KCTD8: variants seen among roughly 807,000 people sequenced by gnomAD.
KCTD8 encodes the protein potassium channel tetramerization domain containing 8.
In KCTD8, 27 loss-of-function variants were observed where a neutral mutation model predicts 31.5. The observed-to-expected ratio is 0.86, with a 90% CI of 0.63 to 1.18. The LOEUF is 1.18. Ranked by LOEUF, KCTD8 falls within the 50% of genes most tolerant of loss-of-function variation. The pLI is 0.00. For synonymous variants in KCTD8, 290 were observed against 280.0 expected (o/e 1.04, Z -0.36); for missense variants, 658 against 647.7 (o/e 1.02, Z -0.17).
At chr4:44,306,242 A>G (rs1403558162) in intron 1 of KCTD8, among the ~76,000 whole-genome samples, 1 of 152,028 alleles carries the variant, frequency 6.6e-6, no homozygotes, top group African/African-American at 2.4e-5. Context: ...AGAGATAAAT[A>G]AATTGATGAT....
At chr4:44,370,907 T>C (rs570127156) in intron 1 of KCTD8, among the ~76,000 whole-genome samples, 19 of 152,162 alleles carry the variant, frequency 1.2e-4, no homozygotes, top group Non-Finnish European at 2.4e-4. Flanking sequence ...CAATAGAAGA[T>C]ACTGTAAACT....
chr4:44,314,005 T>C (rs544961488), intron 1 of KCTD8, among the ~76,000 whole-genome samples: 4 of 152,248 alleles, frequency 2.6e-5, no homozygotes, highest in Non-Finnish European at 5.9e-5. Flanking sequence ...TGAATGGTCA[T>C]GTAAAATATG....
intron 1 of KCTD8, among the ~76,000 whole-genome samples, chr4:44,182,183 G>A (rs1433865760): frequency 2.7e-5 from 4 of 149,218 alleles, no homozygotes; most frequent in Admixed American, 6.6e-5. Flanking sequence ...GGGCGCCTCC[G>A]CCTGGCCGGC....
At chr4:44,248,182 T>C (rs1715724623) in intron 1 of KCTD8, among the ~76,000 whole-genome samples, 1 of 151,918 alleles carries the variant, frequency 6.6e-6, no homozygotes, top group African/African-American at 2.4e-5. Flanking sequence ...AGTGTAAGCT[T>C]TTTAGTATGA....
rs778642107 is a variant in KCTD8, at chr4:44,448,160, C to T, written c.364G>A (p.Glu122Lys). The T allele has an allele frequency of 1.1e-4, 179 of 1,612,414 alleles. No homozygotes were observed. The highest frequency in any genetic ancestry group is 1.4e-4 in the Non-Finnish European group (169 of 1,179,772). ...AGCCGCTCCTTCTCGGGGAAGTGCT[C>T]CGGCAGCGCGAGTTGCTTGTCCCGC... ...YLRDKQLALP[E>K]HFPEKERLLR... Residue 122 changes from glutamate (E) to lysine (K), a missense_variant, in exon 1 of 2, where the codon GAG becomes AAG. By Grantham distance (56) the Glu-to-Lys change is moderately conservative. Transcript: ENST00000360029. This position sits in a 1 kb window ranked among gnomAD's most constrained non-coding sequence, Gnocchi z 4.1.
At chr4:44,324,905 T>C (rs370047093) in intron 1 of KCTD8, among the ~76,000 whole-genome samples, 5 of 152,038 alleles carry the variant, frequency 3.3e-5, no homozygotes, top group African/African-American at 1.2e-4. Context: ...ATGTTACTAA[T>C]TGTGATTTTA....
chr4:44,388,709 AG>A (rs1370403919), intron 1 of KCTD8, among the ~76,000 whole-genome samples: 1 of 151,686 alleles, frequency 6.6e-6, no homozygotes, highest in Non-Finnish European at 1.5e-5. Context: ...CAGAGGGTGG[AG>A]GGTGGGAGGA....
intron 1 of KCTD8, among the ~76,000 whole-genome samples, chr4:44,373,795 C>T (rs1719851331): frequency 6.6e-6 from 1 of 151,996 alleles, no homozygotes; most frequent in Non-Finnish European, 1.5e-5. Context: ...TGCCACATTC[C>T]CTTCTAAAAA....
chr4:44,406,618 A>G (rs553059332), intron 1 of KCTD8, among the ~76,000 whole-genome samples: 1 of 152,288 alleles, frequency 6.6e-6, no homozygotes, highest in South Asian at 2.1e-4. Flanking sequence ...ATCAACTGCA[A>G]GAAAACAGAC....
At chr4:44,432,092 T>C (rs1004397008) in intron 1 of KCTD8, among the ~76,000 whole-genome samples, 24 of 151,530 alleles carry the variant, frequency 1.6e-4, no homozygotes, top group Admixed American at 6.6e-5. Context: ...TAAAACATTT[T>C]ATTGGAGCCA....
intron 1 of KCTD8, among the ~76,000 whole-genome samples, chr4:44,294,901 T>C (rs1199252639): frequency 6.6e-6 from 1 of 152,144 alleles, no homozygotes; most frequent in Non-Finnish European, 1.5e-5. Context: ...GCATATCTAT[T>C]GAATTTTAAG....
At chr4:44,371,077 G>A (rs892111894) in intron 1 of KCTD8, among the ~76,000 whole-genome samples, 1 of 151,932 alleles carries the variant, frequency 6.6e-6, no homozygotes, top group East Asian at 1.9e-4. Flanking sequence ...GTAAATCCAG[G>A]TCAAGTCTTA....
chr4:44,291,698 T>A (rs935312054), intron 1 of KCTD8, among the ~76,000 whole-genome samples: 1 of 151,984 alleles, frequency 6.6e-6, no homozygotes, highest in Non-Finnish European at 1.5e-5. Context: ...ACCTACAGAA[T>A]GGGTGAAACA....
intron 1 of KCTD8, among the ~76,000 whole-genome samples, chr4:44,312,510 GA>G (rs919855510): frequency 7.0e-6 from 1 of 143,144 alleles, no homozygotes; most frequent in African/African-American, 3.0e-5. Context: ...ACTAAAATCT[GA>G]AAAAAAGCAA....
chr4:44,244,851 G>A (rs902978871), intron 1 of KCTD8, among the ~76,000 whole-genome samples: 6 of 144,254 alleles, frequency 4.2e-5, no homozygotes, highest in Admixed American at 3.4e-4. Context: ...TAGTTGTGGG[G>A]GGGGGGGGGT....
intron 1 of KCTD8, among the ~76,000 whole-genome samples, chr4:44,291,018 C>T (rs150657238): frequency 6.6e-6 from 1 of 151,798 alleles, no homozygotes; most frequent in Admixed American, 6.6e-5. Context: ...ATCAATGAAA[C>T]CTAGAGTTGG....
intron 1 of KCTD8, among the ~76,000 whole-genome samples, chr4:44,329,683 T>C (rs1316312274): frequency 1.3e-5 from 2 of 151,912 alleles, no homozygotes; most frequent in Non-Finnish European, 2.9e-5. Context: ...ACTTTTGTAG[T>C]ATATCATATA....
At chr4:44,325,454 T>G (rs1209166732) in intron 1 of KCTD8, among the ~76,000 whole-genome samples, 1 of 151,870 alleles carries the variant, frequency 6.6e-6, no homozygotes, top group Non-Finnish European at 1.5e-5. Flanking sequence ...TTTGATAAAT[T>G]ACTTTAAATA....
chr4:44,231,880 A>G (rs1474141419), intron 1 of KCTD8, among the ~76,000 whole-genome samples: 1 of 152,026 alleles, frequency 6.6e-6, no homozygotes, highest in Non-Finnish European at 1.5e-5. Flanking sequence ...CTAAGCAATG[A>G]CTTCAGAAAT....
Sources: gnomAD v4.1 joint callset for allele counts (sites outside exome capture counted in the v4.1 genomes callset) on GRCh38, gnomAD v4.1.1 for gene constraint, Gnocchi (gnomAD v3.1) non-coding constraint, MANE v1.5 for transcripts, NCBI Gene and HGNC (gene_info 2026-07-23, HGNC 2026-07-21) for gene names.